XYLT1: variants seen among roughly 807,000 people sequenced by gnomAD.
XYLT1 encodes xylosyltransferase 1.
In XYLT1, 36 loss-of-function variants were observed where a neutral mutation model predicts 91.3. That is an observed-to-expected ratio of 0.39 (90% CI 0.30 to 0.52). The LOEUF (loss-of-function observed/expected upper bound fraction) is 0.52. XYLT1 is among the 20% of genes least tolerant of loss of function. XYLT1 has a pLI of 0.68. For synonymous variants in XYLT1, 588 were observed against 532.0 expected (o/e 1.11, Z -1.45); for missense variants, 1,242 against 1,284.5 (o/e 0.97, Z 0.51).
In XYLT1 at chr16:17,332,387, C is replaced by T. The variant is rs534912242; in HGVS notation, c.402+25625G>A. On this transcript the variant is annotated intron_variant, in intron 2 of 11. Transcript: ENST00000261381. The stretch of plus-strand genomic sequence containing the variant: ...GACCAGCCTGGCCAGCATGGGGAAA[C>T]CCTGACTCTACTAAAAATACAAAAA... Among the ~76,000 whole-genome samples the T allele has an allele frequency of 2.5e-4, 38 of 152,200 alleles. 1 individual carries two copies. The South Asian group carries it at 7.9e-3, about 32-fold the overall frequency.
intron 2 of XYLT1, chr16:17,354,934 G>T (rs1411784062): frequency 6.6e-6 from 1 of 152,254 alleles, no homozygotes; most frequent in Non-Finnish European, 1.5e-5. Context: ...TTGCACTTTG[G>T]TTGGGTTCCA....
chr16:17,420,031 C>G (rs2036232219), intron 1 of XYLT1, among the ~76,000 whole-genome samples: 1 of 152,194 alleles, frequency 6.6e-6, no homozygotes, highest in Admixed American at 6.6e-5. Context: ...GGCTCAATGA[C>G]TGGGTGAAGT....
intron 9 of XYLT1, among the ~76,000 whole-genome samples, chr16:17,132,214 G>C (rs2030509275): frequency 6.6e-6 from 1 of 152,202 alleles, no homozygotes; most frequent in African/African-American, 2.4e-5. Context: ...CAGACTAGCA[G>C]TGGGGGGGAG....
intron 2 of XYLT1, among the ~76,000 whole-genome samples, chr16:17,305,932 G>T (rs1044762444): frequency 6.6e-6 from 1 of 152,080 alleles, no homozygotes; most frequent in Non-Finnish European, 1.5e-5. Context: ...ACCTGAGTCT[G>T]ACTCATCCTC....
chr16:17,385,199 G>A (rs1357589424), intron 1 of XYLT1, among the ~76,000 whole-genome samples: 2 of 151,298 alleles, frequency 1.3e-5, no homozygotes, highest in Non-Finnish European at 2.9e-5. Context: ...CTTCGTAGAT[G>A]TGACAACTGA....
At chr16:17,427,002 T>C (rs762409536) in intron 1 of XYLT1, among the ~76,000 whole-genome samples, 10 of 150,418 alleles carry the variant, frequency 6.6e-5, no homozygotes, top group Non-Finnish European at 1.5e-4. Context: ...GAAAGGAGAG[T>C]GTGGCTTGGG....
chr16:17,361,115 C>G lies in XYLT1; in HGVS notation c.364-3065G>C, dbSNP rs531728718. The stretch of plus-strand genomic sequence containing the variant: ...CTGCAGCCCTTAAGCTTGGGTTTGC[C>G]CATTTGACTGCTTTGCCCAATGGGA... On this transcript the variant is annotated intron_variant, in intron 1 of 11. Coordinates refer to ENST00000261381, the MANE Select transcript of XYLT1 (RefSeq NM_022166.4). Among the ~76,000 whole-genome samples the G allele has an allele frequency of 2.0e-5, 3 of 152,224 alleles. No homozygotes were observed. The East Asian group carries it at 5.8e-4, about 29-fold the overall frequency.
At chr16:17,132,710 C>T (rs947670853) in intron 9 of XYLT1, among the ~76,000 whole-genome samples, 4 of 152,142 alleles carry the variant, frequency 2.6e-5, no homozygotes, top group African/African-American at 9.7e-5. Flanking sequence ...CGAGACCAGC[C>T]TGGCCAACCT....
At chr16:17,146,112 G>A (rs1352210216) in intron 6 of XYLT1, among the ~76,000 whole-genome samples, 1 of 151,606 alleles carries the variant, frequency 6.6e-6, no homozygotes, top group Non-Finnish European at 1.5e-5. Context: ...CCTCTCACCG[G>A]GCTTCCCACA....
At chr16:17,407,483 T>A (rs1596529910) in intron 1 of XYLT1, among the ~76,000 whole-genome samples, 1 of 152,158 alleles carries the variant, frequency 6.6e-6, no homozygotes, top group East Asian at 1.9e-4. Flanking sequence ...TTTATAGAGA[T>A]GGGGTCTTGC....
chr16:17,138,761 T>TGCAAAAATGTATA, intron 7 of XYLT1: 1 of 492,770 alleles, frequency 2.0e-6, no homozygotes, highest in South Asian at 2.8e-5. Flanking sequence ...TTCATAGCAA[T>TGCAAAAATGTATA]GCAAAAATGT....
At chr16:17,352,211 A>G (rs1331085148) in intron 2 of XYLT1, among the ~76,000 whole-genome samples, 1 of 152,190 alleles carries the variant, frequency 6.6e-6, no homozygotes, top group Non-Finnish European at 1.5e-5. Flanking sequence ...ACTGGTTTAT[A>G]CTTAAGTTTA....
intron 2 of XYLT1, among the ~76,000 whole-genome samples, chr16:17,305,325 A>G: frequency 6.6e-6 from 1 of 152,172 alleles, no homozygotes; most frequent in East Asian, 1.9e-4. Context: ...CCTCTGGATA[A>G]GAGCGAACAG....
rs752999045 is a variant in XYLT1, at chr16:17,108,976, A to C, written c.2599T>G (p.Tyr867Asp). Residue 867 changes from tyrosine to aspartate, a missense_variant, in exon 12 of 12, where the codon TAC (tyrosine) becomes GAC (aspartate). By Grantham distance (160) the Tyr-to-Asp change is radical (BLOSUM62 -3). Transcript: ENST00000261381. ...KLHNGPLRNA[Y>D]MEQSFQSLNP... The stretch of plus-strand genomic sequence containing the variant: ...AGGCTCTGGAAGCTCTGCTCCATGT[A>C]GGCATTGCGGAGGGGCCCATTGTGC... 6.4e-7 allele frequency: 1 copy of C among 1,561,434 alleles called. No individual in the cohort carries two copies. The highest frequency in any genetic ancestry group is 8.7e-7 in the Non-Finnish European group (1 of 1,145,816).
At chr16:17,342,717 GT>G (rs2035080489) in intron 2 of XYLT1, among the ~76,000 whole-genome samples, 1 of 148,918 alleles carries the variant, frequency 6.7e-6, no homozygotes, top group Non-Finnish European at 1.5e-5. Context: ...GAGAGACCCT[GT>G]CTCAAAAAAA....
chr16:17,225,960 A>T lies in XYLT1; in HGVS notation c.914-25306T>A, dbSNP rs556207020. Among the ~76,000 whole-genome samples the T allele has an allele frequency of 3.9e-5, 6 of 152,302 alleles. No individual in the cohort carries two copies. In the Middle Eastern group the frequency reaches 0.02, roughly 518 times the overall value. ...ACATATTTACCTTACCCCTAAGAAC[A>T]TCTGCAAAAAATTATAAAAAAAAAT... is the stretch of plus-strand genomic sequence containing the variant. On this transcript the variant is annotated intron_variant, in intron 3 of 11. Coordinates refer to ENST00000261381, the MANE Select transcript of XYLT1 (RefSeq NM_022166.4).
chr16:17,413,749 G>T (rs956540043), intron 1 of XYLT1, among the ~76,000 whole-genome samples: 41 of 152,112 alleles, frequency 2.7e-4, no homozygotes, highest in Non-Finnish European at 3.8e-4. Flanking sequence ...AGCATTAGGG[G>T]TTTTATAGAC....
At chr16:17,158,992 G>T in intron 5 of XYLT1, 83 bp from the exon 6 acceptor site, 2 of 1,252,992 alleles carry the variant, frequency 1.6e-6, no homozygotes, top group Non-Finnish European at 2.3e-6. Flanking sequence ...CACCAATTAT[G>T]TCAGTCTGCT....
intron 6 of XYLT1, among the ~76,000 whole-genome samples, chr16:17,145,338 G>T (rs2031104425): frequency 6.6e-6 from 1 of 152,198 alleles, no homozygotes; most frequent in Non-Finnish European, 1.5e-5. Flanking sequence ...GTGGGAACAT[G>T]ACCCAGGATG....
Sources: allele counts gnomAD v4.1 joint callset (sites outside exome capture counted in the v4.1 genomes callset), GRCh38; gene constraint gnomAD v4.1.1; transcripts MANE v1.5; gene names NCBI Gene and HGNC (gene_info 2026-07-23, HGNC 2026-07-21).